ANO4: variants seen among roughly 807,000 people sequenced by gnomAD.
The protein encoded by ANO4 is anoctamin 4.
In ANO4, 69 loss-of-function variants were observed where a neutral mutation model predicts 141.9. The observed-to-expected ratio is 0.49, with a 90% confidence interval of 0.40 to 0.59. The LOEUF (loss-of-function observed/expected upper bound fraction) is 0.59. ANO4 is among the 20% of genes least tolerant of loss of function. The pLI, the probability that ANO4 is intolerant of heterozygous loss-of-function variation, is 0.00. For synonymous variants in ANO4, 350 were observed against 394.3 expected (o/e 0.89, Z 1.33); for missense variants, 894 against 1,162.2 (o/e 0.77, Z 3.36).
intron 3 of ANO4, among the ~76,000 whole-genome samples, chr12:100,755,810 G>T (rs2032583506): frequency 6.6e-6 from 1 of 152,160 alleles, no homozygotes; most frequent in African/African-American, 2.4e-5. Flanking sequence ...TGCAGCTGAT[G>T]TTCTCTCCTC....
intron 3 of ANO4, among the ~76,000 whole-genome samples, chr12:100,757,429 G>A (rs1004025681): frequency 1.1e-4 from 17 of 152,140 alleles, no homozygotes; most frequent in African/African-American, 3.9e-4. Context: ...TTTATTCTCT[G>A]TAATGCTTCA....
chr12:100,754,466 G>A (rs568497294), intron 3 of ANO4, among the ~76,000 whole-genome samples: 4 of 148,594 alleles, frequency 2.7e-5, no homozygotes, highest in African/African-American at 1.0e-4. Context: ...ACACTGATCT[G>A]AATCTGTGAT....
chr12:101,023,361 G>A lies in ANO4; in HGVS notation c.841+3221G>A, dbSNP rs138874783. Among the ~76,000 whole-genome samples the A allele has an allele frequency of 9.2e-3, 1,399 of 152,274 alleles. 6 individuals are homozygous for A. Among genetic ancestry groups the A allele is most frequent in the Middle Eastern group, 0.02 (6 of 294 alleles). ...TGAAATAAGGAGTTTTCTATTCAAA[G>A]ACCTCCATGTGTTGAAAATTGGTAA... On this transcript the variant is annotated intron_variant, in intron 9 of 27. Transcript: ENST00000392977.
intron 1 of ANO4, among the ~76,000 whole-genome samples, chr12:100,725,343 C>CTTTTTTTT (rs5800419): frequency 2.6e-5 from 3 of 114,952 alleles, no homozygotes; most frequent in East Asian, 2.7e-4. Context: ...AAATTGGTAT[C>CTTTTTTTT]TTTTTTTTTT....
chr12:100,770,463 C>T (rs539548009), intron 3 of ANO4, among the ~76,000 whole-genome samples: 1 of 152,312 alleles, frequency 6.6e-6, no homozygotes, highest in South Asian at 2.1e-4. Flanking sequence ...CCTAAACCAT[C>T]CATAGCCTTT....
intron 1 of ANO4, among the ~76,000 whole-genome samples, chr12:100,812,765 T>C (rs1424035924): frequency 6.6e-6 from 1 of 152,120 alleles, no homozygotes; most frequent in Admixed American, 6.5e-5. Context: ...CTCCCAGGAG[T>C]CCCTATGAAG....
At chr12:100,828,718 T>C (rs957937729) in intron 1 of ANO4, among the ~76,000 whole-genome samples, 3 of 152,030 alleles carry the variant, frequency 2.0e-5, no homozygotes, top group Non-Finnish European at 2.9e-5. Context: ...TAGAAATACA[T>C]ATATGAATAA....
At chr12:101,004,063 G>C (rs1009104943) in intron 8 of ANO4, among the ~76,000 whole-genome samples, 1 of 151,948 alleles carries the variant, frequency 6.6e-6, no homozygotes, top group Non-Finnish European at 1.5e-5. Flanking sequence ...TCCAAAGAAT[G>C]TTTCTTTCTC....
intron 14 of ANO4, chr12:101,069,031 G>A: frequency 1.2e-6 from 1 of 812,234 alleles, no homozygotes; most frequent in Non-Finnish European, 2.2e-6. Context: ...AAGATGTCAA[G>A]TTGGCTAAGG....
At chr12:100,826,031 A>G (rs2036319295) in intron 1 of ANO4, among the ~76,000 whole-genome samples, 1 of 152,066 alleles carries the variant, frequency 6.6e-6, no homozygotes, top group Non-Finnish European at 1.5e-5. Context: ...TTAGCCAGAG[A>G]AATGTAATTA....
intron 1 of ANO4, among the ~76,000 whole-genome samples, chr12:100,862,221 C>T (rs778412477): frequency 2.0e-5 from 3 of 152,118 alleles, no homozygotes; most frequent in Non-Finnish European, 4.4e-5. Flanking sequence ...TGTGCCACTG[C>T]ACCCAGTTAA....
intron 3 of ANO4, among the ~76,000 whole-genome samples, chr12:100,747,053 T>C (rs894394865): frequency 4.6e-5 from 7 of 152,182 alleles, no homozygotes; most frequent in Admixed American, 3.3e-4. Flanking sequence ...GCAGCATCCC[T>C]GGCCTGCACC....
intron 1 of ANO4, among the ~76,000 whole-genome samples, chr12:100,878,946 C>T (rs1328918366): frequency 2.0e-5 from 3 of 152,272 alleles, no homozygotes; most frequent in Admixed American, 2.0e-4. Context: ...GTTAGTGCAT[C>T]TCAAGTAACC....
intron 3 of ANO4, among the ~76,000 whole-genome samples, chr12:100,781,822 G>T (rs1456370438): frequency 6.6e-6 from 1 of 152,062 alleles, no homozygotes; most frequent in Non-Finnish European, 1.5e-5. Context: ...CTTTCTTCTG[G>T]TTAACCAAAG....
At chr12:100,798,460 C>T (rs1350483587) in intron 1 of ANO4, among the ~76,000 whole-genome samples, 1 of 152,156 alleles carries the variant, frequency 6.6e-6, no homozygotes, top group East Asian at 1.9e-4. Flanking sequence ...CAATTGGCAA[C>T]TCAGGCAGAT....
intron 1 of ANO4, among the ~76,000 whole-genome samples, chr12:100,732,097 A>G (rs2136809089): frequency 6.6e-6 from 1 of 152,342 alleles, no homozygotes; most frequent in African/African-American, 2.4e-5. Context: ...TTCAGTAAAT[A>G]CCAAATACCA....
intron 2 of ANO4, among the ~76,000 whole-genome samples, chr12:100,902,544 G>A (rs11609845): frequency 0.018 from 2,723 of 152,244 alleles, 41 homozygotes; most frequent in Non-Finnish European, 0.031. Context: ...ATCAAATTGC[G>A]AAAGAATTCA....
chr12:100,732,984 A>G (rs2031445379), intron 1 of ANO4, among the ~76,000 whole-genome samples: 1 of 152,294 alleles, frequency 6.6e-6, no homozygotes, highest in Middle Eastern at 3.4e-3. Context: ...AGGGCATTGC[A>G]TCTGCCCCTC....
intron 8 of ANO4, among the ~76,000 whole-genome samples, chr12:100,996,781 GTCT>G (rs1336072902): frequency 1.7e-4 from 26 of 152,312 alleles, no homozygotes; most frequent in African/African-American, 5.8e-4. Context: ...CCCTTTGATT[GTCT>G]TCTTATCTTT....
Sources: gnomAD v4.1 joint callset for allele counts (sites outside exome capture counted in the v4.1 genomes callset) on GRCh38, gnomAD v4.1.1 for gene constraint, MANE v1.5 for transcripts, NCBI Gene and HGNC (gene_info 2026-07-23, HGNC 2026-07-21) for gene names.